CPED1: variants seen among roughly 807,000 people sequenced by gnomAD.
The protein encoded by CPED1 is cadherin like and PC-esterase domain containing 1.
CPED1 carries 114 observed loss-of-function variants against 128.2 expected under a neutral mutation model. The observed-to-expected ratio is 0.89, with a 90% CI of 0.76 to 1.04. CPED1 has a LOEUF of 1.04. CPED1 is among the 50% of genes least tolerant of loss of function. The probability of loss-of-function intolerance (pLI) is 0.00; values close to 1 mark genes in which losing one functional copy is unlikely to be tolerated. For synonymous variants in CPED1, 462 were observed against 426.7 expected (o/e 1.08, Z -1.02); for missense variants, 1,211 against 1,207.1 (o/e 1.00, Z -0.05).
chr7:121,171,570 C>T (rs1351861775), intron 16 of CPED1, among the ~76,000 whole-genome samples: 1 of 152,126 alleles, frequency 6.6e-6, no homozygotes, highest in Non-Finnish European at 1.5e-5. Flanking sequence ...GAGCCTGTTC[C>T]CCCAGTGGTT....
At chr7:121,269,914 G>A (rs889760385) in intron 21 of CPED1, among the ~76,000 whole-genome samples, 1 of 152,066 alleles carries the variant, frequency 6.6e-6, no homozygotes, top group African/African-American at 2.4e-5. Flanking sequence ...ATCTGCTCTG[G>A]TGAGGCTTCA....
At chr7:121,164,470 A>G (rs1263621174) in intron 16 of CPED1, among the ~76,000 whole-genome samples, 1 of 152,190 alleles carries the variant, frequency 6.6e-6, no homozygotes, top group East Asian at 1.9e-4. Context: ...TTAAGCATGC[A>G]TTGAAATTTC....
rs558201932 is a variant in CPED1, at chr7:121,017,212, A to T, written c.433+1364A>T. 4.6e-5 allele frequency among the ~76,000 whole-genome samples: 7 copies of T among 152,286 alleles called. No individual in the cohort carries two copies. The South Asian group carries it at 1.5e-3, about 32-fold the overall frequency. ...CATTTGTTTATTCTATTTAGTCATC[A>T]CTGCCTTCTAGGAGTAGTGTGGAAA... On this transcript the variant is annotated intron_variant, in intron 3 of 22. Transcript: ENST00000310396.
intron 5 of CPED1, among the ~76,000 whole-genome samples, chr7:121,070,912 A>G (rs776608858): frequency 1.3e-5 from 2 of 152,124 alleles, no homozygotes; most frequent in Non-Finnish European, 2.9e-5. Context: ...AGGGACTGAA[A>G]CAGTACAGCC....
intron 7 of CPED1, among the ~76,000 whole-genome samples, chr7:121,121,211 C>G (rs549085018): frequency 6.6e-6 from 1 of 152,152 alleles, no homozygotes; most frequent in Non-Finnish European, 1.5e-5. Flanking sequence ...AGATATCAGA[C>G]ATGATCCAAG....
intron 16 of CPED1, among the ~76,000 whole-genome samples, chr7:121,219,106 T>C (rs1213670874): frequency 1.3e-5 from 2 of 152,060 alleles, no homozygotes; most frequent in Non-Finnish European, 2.9e-5. Context: ...AAGAACTGAA[T>C]GTTGTATCTA....
At position 121,278,826 on chromosome 7, in the gene CPED1, A is replaced by G. The variant is rs75302342; in HGVS notation, c.2868+7396A>G. On this transcript the variant is annotated intron_variant, in intron 22 of 22. Coordinates refer to ENST00000310396, the MANE Select transcript of CPED1 (RefSeq NM_024913.5). ...AGAAGGATAATTAAATGGAGGGTCA[A>G]CAAACAGTGAAAGTAACTTATGTTG... Among the ~76,000 whole-genome samples, 862 of 152,312 alleles carry G rather than the reference A, an allele frequency of 5.7e-3. 1 individual carries two copies. The highest frequency in any genetic ancestry group is 7.8e-3 in the Non-Finnish European group (532 of 68,018).
At chr7:121,218,832 G>T (rs897044987) in intron 16 of CPED1, among the ~76,000 whole-genome samples, 2 of 151,988 alleles carry the variant, frequency 1.3e-5, no homozygotes, top group African/African-American at 4.8e-5. Context: ...TTCTAAACAT[G>T]TATCCCAGAA....
intron 3 of CPED1, among the ~76,000 whole-genome samples, chr7:121,027,369 A>G (rs1166531704): frequency 1.3e-5 from 2 of 152,138 alleles, no homozygotes; most frequent in Non-Finnish European, 2.9e-5. Flanking sequence ...TCATCTATTT[A>G]TATGGTATTC....
chr7:121,162,907 G>A (rs1796442530), intron 16 of CPED1, among the ~76,000 whole-genome samples: 1 of 152,168 alleles, frequency 6.6e-6, no homozygotes, highest in Admixed American at 6.5e-5. Flanking sequence ...ACTACTGATT[G>A]ATTTAAGCCA....
chr7:121,076,107 T>A (rs1794118535), intron 5 of CPED1, among the ~76,000 whole-genome samples: 1 of 152,134 alleles, frequency 6.6e-6, no homozygotes, highest in African/African-American at 2.4e-5. Context: ...TAATTTTGAA[T>A]GAAACATGCT....
chr7:121,164,240 C>A, intron 16 of CPED1, among the ~76,000 whole-genome samples: 1 of 152,154 alleles, frequency 6.6e-6, no homozygotes, highest in East Asian at 1.9e-4. Flanking sequence ...GGATTATATC[C>A]ACAATTTGCC....
intron 22 of CPED1, among the ~76,000 whole-genome samples, chr7:121,294,898 G>A (rs1477153071): frequency 6.6e-6 from 1 of 151,576 alleles, no homozygotes; most frequent in African/African-American, 2.4e-5. Flanking sequence ...CAGCTCCCCA[G>A]ATTCCATAAC....
chr7:121,010,586 T>A (rs1396386876), intron 2 of CPED1, among the ~76,000 whole-genome samples: 1 of 152,210 alleles, frequency 6.6e-6, no homozygotes, highest in African/African-American at 2.4e-5. Context: ...ATTACTTTTT[T>A]ATCTCTCTTA....
intron 16 of CPED1, among the ~76,000 whole-genome samples, chr7:121,199,381 G>C (rs1362297478): frequency 6.6e-6 from 1 of 151,846 alleles, no homozygotes; most frequent in African/African-American, 2.4e-5. Context: ...GTGTGCTATA[G>C]AAAAATACAA....
At chr7:121,253,540 G>C (rs1481351017) in intron 18 of CPED1, among the ~76,000 whole-genome samples, 1 of 151,964 alleles carries the variant, frequency 6.6e-6, no homozygotes, top group Non-Finnish European at 1.5e-5. Flanking sequence ...ATAACAACCA[G>C]CTAATAAAAT....
Position 120,989,512 on chromosome 7 carries a change from A to T in CPED1, c.-110A>T. 3 of 1,413,202 alleles carry T rather than the reference A, an allele frequency of 2.1e-6. No individual in the cohort carries two copies. Among genetic ancestry groups the T allele is most frequent in the Non-Finnish European group, 2.9e-6 (3 of 1,037,532 alleles). 87.5% of individuals were successfully genotyped at this position (1,413,202 alleles called of 1,614,324 possible). On this transcript the variant is annotated 5_prime_UTR_variant, in exon 2 of 23. It removes the in-frame stop codon of an upstream open reading frame in the 5' UTR. Transcript: ENST00000310396. The stretch of plus-strand genomic sequence containing the variant: ...CTTAAGCAGGGATGAAGCAAACTTG[A>T]TTGGAGTTGGGGAAAAAGAAGACAG...
At chr7:121,212,046 G>C (rs1797656771) in intron 16 of CPED1, among the ~76,000 whole-genome samples, 1 of 151,970 alleles carries the variant, frequency 6.6e-6, no homozygotes. Context: ...TGCATTGCCT[G>C]GCAAAGATGA....
intron 3 of CPED1, among the ~76,000 whole-genome samples, chr7:121,032,931 C>T (rs1292327528): frequency 6.6e-6 from 1 of 152,170 alleles, no homozygotes; most frequent in Non-Finnish European, 1.5e-5. Context: ...TCTTAGGCGA[C>T]AGCCCTGATT....
Sources: gnomAD v4.1 joint callset for allele counts (sites outside exome capture counted in the v4.1 genomes callset) on GRCh38, gnomAD v4.1.1 for gene constraint, MANE v1.5 for transcripts, NCBI Gene and HGNC (gene_info 2026-07-23, HGNC 2026-07-21) for gene names.